BRINP3: variants seen among roughly 807,000 people sequenced by gnomAD.
The protein encoded by BRINP3 is BMP/retinoic acid inducible neural specific 3, also known as BMP/retinoic acid-inducible neural-specific protein 3.
In BRINP3, 19 loss-of-function variants were observed where a neutral mutation model predicts 71.0. The observed-to-expected ratio is 0.27, with a 90% CI of 0.19 to 0.39. BRINP3 has a LOEUF of 0.39. BRINP3 is among the 10% of genes least tolerant of loss of function. The pLI is 1.00. For synonymous variants in BRINP3, 380 were observed against 337.7 expected (o/e 1.13, Z -1.37); for missense variants, 959 against 940.8 (o/e 1.02, Z -0.25).
intron 2 of BRINP3, among the ~76,000 whole-genome samples, chr1:190,298,229 T>C (rs949732956): frequency 3.3e-5 from 5 of 152,128 alleles, no homozygotes; most frequent in Non-Finnish European, 7.4e-5. Context: ...GTCTACTGTC[T>C]TTTTTTCTTG....
chr1:190,370,139 T>A (rs1298106591), intron 2 of BRINP3, among the ~76,000 whole-genome samples: 4 of 152,154 alleles, frequency 2.6e-5, no homozygotes, highest in Non-Finnish European at 5.9e-5. Flanking sequence ...CCGTAACATT[T>A]TCACAATTGT....
intron 2 of BRINP3, among the ~76,000 whole-genome samples, chr1:190,408,291 A>G (rs1672438052): frequency 6.6e-6 from 1 of 151,206 alleles, no homozygotes; most frequent in Admixed American, 6.6e-5. Flanking sequence ...AGATCCGCCC[A>G]CCTCGGCCTC....
intron 7 of BRINP3, among the ~76,000 whole-genome samples, chr1:190,113,103 T>C (rs1652829964): frequency 6.6e-6 from 1 of 152,136 alleles, no homozygotes; most frequent in Admixed American, 6.6e-5. Context: ...ATTGTACACT[T>C]TGAATATGTA....
At chr1:190,141,532 TTCTC>T (rs1194581183) in intron 7 of BRINP3, among the ~76,000 whole-genome samples, 39 of 150,570 alleles carry the variant, frequency 2.6e-4, no homozygotes, top group African/African-American at 7.1e-4. Context: ...TTTTCTTTCT[TTCTC>T]TCTCTCTTTC....
chr1:190,216,063 G>T (rs541401729), intron 6 of BRINP3, among the ~76,000 whole-genome samples: 1 of 150,450 alleles, frequency 6.6e-6, no homozygotes, highest in African/African-American at 2.4e-5. Context: ...ATTTGGAAAA[G>T]ATAATTTATT....
intron 4 of BRINP3, among the ~76,000 whole-genome samples, chr1:190,246,292 C>A (rs1285343406): frequency 6.6e-6 from 1 of 151,948 alleles, no homozygotes; most frequent in Non-Finnish European, 1.5e-5. Context: ...ACCAGAATCC[C>A]AGAGGAACTT....
intron 1 of BRINP3, among the ~76,000 whole-genome samples, chr1:190,461,448 C>T (rs1289448059): frequency 6.6e-6 from 1 of 152,118 alleles, no homozygotes; most frequent in Non-Finnish European, 1.5e-5. Flanking sequence ...GCTCCCATTA[C>T]TTTCCCTATG....
At chr1:190,188,451 A>C (rs996949740) in intron 6 of BRINP3, among the ~76,000 whole-genome samples, 1 of 152,136 alleles carries the variant, frequency 6.6e-6, no homozygotes, top group African/African-American at 2.4e-5. Flanking sequence ...GTTTTAGAGT[A>C]AAATCTTTCA....
chr1:190,458,282 T>C lies in BRINP3; in HGVS notation c.-50-3342A>G, dbSNP rs564993069. Among the ~76,000 whole-genome samples the C allele has an allele frequency of 2.0e-5, 3 of 152,226 alleles. No individual in the cohort carries two copies. The South Asian group carries it at 6.2e-4, about 32-fold the overall frequency. On this transcript the variant is annotated intron_variant, in intron 1 of 7. Coordinates refer to ENST00000367462, the MANE Select transcript of BRINP3 (RefSeq NM_199051.3). ...TTTTGGTGATATCCTAAAATCATTG[T>C]ATTTGTAAGAACTTTATAAAGATAT... is the stretch of plus-strand genomic sequence containing the variant.
At chr1:190,101,371 C>G (rs891494974) in intron 7 of BRINP3, among the ~76,000 whole-genome samples, 1 of 152,196 alleles carries the variant, frequency 6.6e-6, no homozygotes, top group East Asian at 1.9e-4. Flanking sequence ...TGTTTTCTCA[C>G]CACAGAATAT....
chr1:190,335,590 A>G (rs1210536404), intron 2 of BRINP3, among the ~76,000 whole-genome samples: 3 of 151,866 alleles, frequency 2.0e-5, no homozygotes, highest in Non-Finnish European at 4.4e-5. Flanking sequence ...TTTGTATAAA[A>G]TCTTAACCCC....
At chr1:190,361,504 C>A (rs564049525) in intron 2 of BRINP3, among the ~76,000 whole-genome samples, 45 of 152,086 alleles carry the variant, frequency 3.0e-4, no homozygotes, top group Middle Eastern at 3.4e-3. Context: ...CAGGGTTCAA[C>A]TGATTCTCCT....
chr1:190,365,051 T>C (rs1279734153), intron 2 of BRINP3, among the ~76,000 whole-genome samples: 1 of 152,146 alleles, frequency 6.6e-6, no homozygotes, highest in Admixed American at 6.6e-5. Context: ...GTTGTTTTTA[T>C]CCCTAAAATC....
At chr1:190,381,377 CCTCA>C (rs561480255) in intron 2 of BRINP3, among the ~76,000 whole-genome samples, 1 of 152,072 alleles carries the variant, frequency 6.6e-6, no homozygotes, top group Non-Finnish European at 1.5e-5. Context: ...AATTATTTGG[CCTCA>C]CTAACAATTA....
chr1:190,217,544 T>G (rs1218500154), intron 6 of BRINP3, among the ~76,000 whole-genome samples: 1 of 152,014 alleles, frequency 6.6e-6, no homozygotes, highest in Non-Finnish European at 1.5e-5. Context: ...TATTTAGCTA[T>G]CTATACCCTG....
At chr1:190,219,615 G>A (rs978635241) in intron 6 of BRINP3, among the ~76,000 whole-genome samples, 1 of 151,954 alleles carries the variant, frequency 6.6e-6, no homozygotes, top group East Asian at 2.0e-4. Flanking sequence ...CGAGGTGGGT[G>A]GATCACGAGG....
chr1:190,368,822 G>T (rs919311290), intron 2 of BRINP3, among the ~76,000 whole-genome samples: 2 of 152,140 alleles, frequency 1.3e-5, no homozygotes, highest in African/African-American at 4.8e-5. Context: ...TACGTCTTTA[G>T]ATGAATGTAC....
chr1:190,281,630 G>T lies in BRINP3; in HGVS notation c.357C>A (p.Thr119=). The part of the protein sequence containing the change: ...RNIRLLGRRP[T]LQQITENLIK... ...TAAGGTTTTCTGTGATTTGCTGAAG[G>T]GTAGGTCGACGTCCCAAAAGTCTTA... Residue 119 remains threonine (T), a synonymous_variant, in exon 3 of 8, where the codon ACC becomes ACA. Coordinates refer to ENST00000367462, the MANE Select transcript of BRINP3 (RefSeq NM_199051.3). 2 of 1,612,906 alleles carry T rather than the reference G, an allele frequency of 1.2e-6. No individual in the cohort carries two copies. Among genetic ancestry groups the T allele is most frequent in the African/African-American group, 1.3e-5 (1 of 74,862 alleles).
intron 2 of BRINP3, 95 bp downstream of exon 2, chr1:190,454,558 TAC>T (rs1675858759): frequency 3.3e-6 from 3 of 915,482 alleles, no homozygotes; most frequent in African/African-American, 3.3e-5. Context: ...CTTCTGATAA[TAC>T]CTTTTTCCCG....
Sources: allele counts gnomAD v4.1 joint callset (sites outside exome capture counted in the v4.1 genomes callset), GRCh38; gene constraint gnomAD v4.1.1; transcripts MANE v1.5; gene names NCBI Gene and HGNC (gene_info 2026-07-23, HGNC 2026-07-21).